MTR: variants seen among roughly 807,000 people sequenced by gnomAD.
The protein encoded by MTR is methionine synthase.
Under a neutral mutation model 154.8 loss-of-function variants are expected in MTR, and 84 were observed. The observed-to-expected ratio is 0.54, with a 90% CI of 0.45 to 0.65. The LOEUF (loss-of-function observed/expected upper bound fraction) is 0.65. Among genes scored for constraint, MTR ranks in the 30% least tolerant of loss-of-function variants. The pLI is 0.00. For missense variants in MTR, 1,275 were observed against 1,570.2 expected, an observed-to-expected ratio of 0.81 and a Z score of 3.18; for synonymous variants, 554 against 553.9, an observed-to-expected ratio of 1.00 and a Z score of 0.00.
chr1:236,800,046 GCTT>G, intron 1 of MTR: 1 of 985,010 alleles, frequency 1.0e-6, no homozygotes, highest in Non-Finnish European at 1.2e-6. Flanking sequence ...CAAAAACAAA[GCTT>G]ATTATTTCTG....
At chr1:236,800,058 T>A in intron 1 of MTR, 6 of 985,344 alleles carry the variant, frequency 6.1e-6, no homozygotes, top group Non-Finnish European at 7.2e-6. Context: ...TTATTATTTC[T>A]GGATTGAAAA....
chr1:236,849,333 TAAAAC>T (rs1245858951), intron 15 of MTR, among the ~76,000 whole-genome samples: 3 of 151,934 alleles, frequency 2.0e-5, no homozygotes, highest in African/African-American at 7.3e-5. Flanking sequence ...TAACAAGTAA[TAAAAC>T]AACGAAAAAT....
intron 15 of MTR, among the ~76,000 whole-genome samples, chr1:236,849,411 AG>A (rs1446533873): frequency 2.0e-5 from 3 of 152,256 alleles, no homozygotes; most frequent in African/African-American, 7.2e-5. Context: ...AGAATGGAGG[AG>A]GTGGGGAAGG....
At chr1:236,830,956 T>C (rs980361582) in intron 12 of MTR, among the ~76,000 whole-genome samples, 1 of 152,244 alleles carries the variant, frequency 6.6e-6, no homozygotes, top group Admixed American at 6.5e-5. Flanking sequence ...TCAAAAGCCA[T>C]TTTCTTTTAT....
At chr1:236,855,028 A>C (rs1253936080) in intron 18 of MTR, among the ~76,000 whole-genome samples, 1 of 152,156 alleles carries the variant, frequency 6.6e-6, no homozygotes, top group Non-Finnish European at 1.5e-5. Context: ...TTCCGTTGCC[A>C]TTGAGGGAAT....
rs1666943705 is a variant in MTR at position 236,902,131 on chromosome 1, GA to G, written c.*4488del. ...GAATAACCATCTCCCCGTGACCTAG[GA>G]TATATCCCAGCCCCTTAGAGGCATG... On this transcript the variant is annotated 3_prime_UTR_variant, in exon 33 of 33. Transcript: ENST00000366577. The G allele has an allele frequency of 6.6e-6, 1 of 152,226 alleles. No individual in the cohort carries two copies. The highest frequency in any genetic ancestry group is 2.4e-5 in the African/African-American group (1 of 41,368). 9.4% of individuals were successfully genotyped at this position (152,226 alleles called of 1,614,324 possible).
intron 12 of MTR, among the ~76,000 whole-genome samples, chr1:236,830,053 A>G (rs1410292206): frequency 6.6e-6 from 1 of 152,230 alleles, no homozygotes; most frequent in Admixed American, 6.5e-5. Flanking sequence ...TCCTATGAAA[A>G]GTAAAATAAA....
chr1:236,871,721 A>G (rs972977668), intron 22 of MTR, among the ~76,000 whole-genome samples: 3 of 152,328 alleles, frequency 2.0e-5, no homozygotes, highest in Middle Eastern at 3.4e-3. Context: ...GTGGTTATAC[A>G]TCATTAACAC....
At chr1:236,854,387 A>G (rs547925257) in intron 18 of MTR, among the ~76,000 whole-genome samples, 2 of 152,182 alleles carry the variant, frequency 1.3e-5, no homozygotes, top group Non-Finnish European at 2.9e-5. Flanking sequence ...ATCAAGTTCT[A>G]CTTCTCAGCA....
chr1:236,812,692 GA>G (rs1324607491), intron 5 of MTR, 45 bp from the exon 6 acceptor site: 8 of 1,492,778 alleles, frequency 5.4e-6, no homozygotes, highest in Non-Finnish European at 7.5e-6. Flanking sequence ...GGGCCATTCA[GA>G]GGATATTGAT....
chr1:236,886,262 T>A, intron 26 of MTR, 30 bp from the exon 27 acceptor site: 1 of 1,589,352 alleles, frequency 6.3e-7, no homozygotes, highest in Non-Finnish European at 8.6e-7. Flanking sequence ...GCTAAGAGTG[T>A]CTAACTAATT....
rs980997415 is a variant in MTR, at chr1:236,891,288, G to A, written c.3163G>A (p.Ala1055Thr). ...GTACGCAGAGGCTGCTGTGCCCCAG[G>A]CTGCAGAGCCCATAGCCACCTTCTA... is the stretch of plus-strand genomic sequence containing the variant. Reference protein sequence around the residue: ...HLYAEAAVPQAAEPIATFYGL... With the variant: ...HLYAEAAVPQTAEPIATFYGL... The change falls in exon 29 of 33, where the codon GCT becomes ACT. Residue 1055 changes from alanine (A) to threonine (T), a missense_variant. By Grantham distance (58) the Ala-to-Thr change is moderately conservative (BLOSUM62 0). Coordinates refer to ENST00000366577, the MANE Select transcript of MTR (RefSeq NM_000254.3). The A allele has an allele frequency of 4.3e-6, 7 of 1,614,018 alleles. No homozygotes were observed. The highest frequency in any genetic ancestry group is 5.9e-6 in the Non-Finnish European group (7 of 1,180,038).
intron 22 of MTR, 49 bp from the exon 23 acceptor site, chr1:236,873,724 C>T: frequency 1.3e-6 from 2 of 1,490,914 alleles, no homozygotes; most frequent in Non-Finnish European, 1.9e-6. Flanking sequence ...TCAGTTTTGT[C>T]TCTAATGGGC....
rs1211901942 is a variant in MTR, at chr1:236,900,470, G to A, written c.*2826G>A. ...GCATAGTAATTACCCACAGAAGGAG[G>A]AAGTGGAAGGGACAGGAGCACATAG... On this transcript the variant is annotated 3_prime_UTR_variant, in exon 33 of 33. Transcript: ENST00000366577. The A allele has an allele frequency of 1.9e-5, 3 of 158,806 alleles. No homozygotes were observed. Among genetic ancestry groups the A allele is most frequent in the African/African-American group, 4.8e-5 (2 of 41,542 alleles). The allele number at this position is 158,806 out of a possible 1,614,324, so 9.8% of individuals were successfully genotyped here.
At chr1:236,852,691 G>A in intron 17 of MTR, 54 bp downstream of exon 17, 1 of 1,503,290 alleles carries the variant, frequency 6.7e-7, no homozygotes, top group Non-Finnish European at 9.3e-7. Flanking sequence ...TTGGGGCAGG[G>A]GTTTTCAAAG....
intron 3 of MTR, 34 bp downstream of exon 3, chr1:236,806,267 C>CTTACGAGCGTTTGCTGCATTGGTAGTTG: frequency 2.6e-6 from 4 of 1,556,266 alleles, no homozygotes; most frequent in Non-Finnish European, 3.5e-6. Context: ...GTCTAAGATG[C>CTTACGAGCGTTTGCTGCATTGGTAGTTG]TTACGAGCGT....
At chr1:236,852,898 T>A (rs763055991) in intron 17 of MTR, 50 bp from the exon 18 acceptor site, 1 of 1,608,376 alleles carries the variant, frequency 6.2e-7, no homozygotes, top group Admixed American at 1.7e-5. Context: ...TGCTGATCGC[T>A]GACTTAAGGT....
At chr1:236,808,566 A>G (rs1406421509) in intron 3 of MTR, 138 bp from the exon 4 acceptor site, 14 of 863,512 alleles carry the variant, frequency 1.6e-5, no homozygotes, top group Non-Finnish European at 2.5e-5. Flanking sequence ...CTGCTTGGCT[A>G]AGATTTCACT....
rs1666776655 is a variant in MTR at position 236,898,403 on chromosome 1, G to GTTTT, written c.*759_*760insTTTT. On this transcript the variant is annotated 3_prime_UTR_variant, in exon 33 of 33. Transcript: ENST00000366577. ...CATTTTTTTTGTTTTGTTTTGTTTT[G>GTTTT]GTTTTTTTTTTTTTGAGACAGAGTC... 2 of 80,110 alleles carry GTTTT rather than the reference G, an allele frequency of 2.5e-5. No individual in the cohort carries two copies. The highest frequency in any genetic ancestry group is 4.8e-4 in the East Asian group (1 of 2,072). 5.0% of individuals were successfully genotyped at this position (80,110 alleles called of 1,614,324 possible).
Sources: gnomAD v4.1 joint callset for allele counts (sites outside exome capture counted in the v4.1 genomes callset) on GRCh38, gnomAD v4.1.1 for gene constraint, MANE v1.5 for transcripts, NCBI Gene and HGNC (gene_info 2026-07-23, HGNC 2026-07-21) for gene names.